The following ASTN2 variants were observed in gnomAD, a reference collection of about 807,000 sequenced individuals.
ASTN2 encodes the protein astrotactin-2.
Under a neutral mutation model 139.8 loss-of-function variants are expected in ASTN2, and 54 were observed. The observed-to-expected ratio is 0.39, with a 90% CI of 0.31 to 0.48. The LOEUF (loss-of-function observed/expected upper bound fraction) is 0.48, where lower values mean the gene tolerates loss of function less well. Among genes scored for constraint, ASTN2 ranks in the 20% least tolerant of loss-of-function variants. ASTN2 has a pLI of 0.95. For missense variants in ASTN2, 1,565 were observed against 1,725.1 expected, an observed-to-expected ratio of 0.91 and a Z score of 1.64; for synonymous variants, 756 against 719.5, an observed-to-expected ratio of 1.05 and a Z score of -0.81.
At chr9:117,190,269 T>C (rs962263413) in intron 3 of ASTN2, among the ~76,000 whole-genome samples, 124 of 152,260 alleles carry the variant, frequency 8.1e-4, no homozygotes, top group African/African-American at 2.9e-3. Context: ...TTTATATATA[T>C]TAACAACTGA....
intron 16 of ASTN2, among the ~76,000 whole-genome samples, chr9:116,694,200 A>T (rs1020361401): frequency 6.6e-6 from 1 of 152,116 alleles, no homozygotes; most frequent in Non-Finnish European, 1.5e-5. Context: ...GAAGCTTTTC[A>T]ATTGAAGGAG....
At chr9:117,337,419 C>A (rs1360382146) in intron 1 of ASTN2, among the ~76,000 whole-genome samples, 1 of 152,068 alleles carries the variant, frequency 6.6e-6, no homozygotes, top group Non-Finnish European at 1.5e-5. Flanking sequence ...ATTTTTAATT[C>A]TTTATTATCT....
intron 5 of ASTN2, among the ~76,000 whole-genome samples, chr9:117,094,895 G>A (rs1015232290): frequency 6.6e-6 from 1 of 152,168 alleles, no homozygotes; most frequent in Non-Finnish European, 1.5e-5. Context: ...AAAAACTGAG[G>A]CTTACAGAAG....
At chr9:117,358,297 T>C (rs10983633) in intron 1 of ASTN2, among the ~76,000 whole-genome samples, 25 of 135,478 alleles carry the variant, frequency 1.8e-4, no homozygotes, top group South Asian at 7.5e-4. Flanking sequence ...CACACACACA[T>C]ACACATCCAC....
chr9:116,888,086 G>A (rs575072365), intron 10 of ASTN2, among the ~76,000 whole-genome samples: 5 of 152,186 alleles, frequency 3.3e-5, no homozygotes, highest in African/African-American at 1.2e-4. Context: ...TAAAGTGTCT[G>A]ACCCTCAATC....
intron 16 of ASTN2, among the ~76,000 whole-genome samples, chr9:116,672,635 C>A (rs967909870): frequency 1.3e-5 from 2 of 152,214 alleles, no homozygotes; most frequent in African/African-American, 4.8e-5. Flanking sequence ...ATCAAACACT[C>A]ACATTTCTGT....
chr9:117,038,588 C>T (rs937045542), intron 6 of ASTN2, among the ~76,000 whole-genome samples: 6 of 151,978 alleles, frequency 3.9e-5, no homozygotes, highest in African/African-American at 7.3e-5. Flanking sequence ...TCAAACTCAT[C>T]GAGACATATA....
intron 11 of ASTN2, among the ~76,000 whole-genome samples, chr9:116,862,815 C>G: frequency 1.7e-5 from 1 of 59,986 alleles, no homozygotes; most frequent in African/African-American, 5.6e-5. Context: ...AATACACACA[C>G]ACACACACAC....
chr9:116,681,322 G>A lies in ASTN2; in HGVS notation c.2807-29529C>T, dbSNP rs1174293103. Among the ~76,000 whole-genome samples, 10 of 152,252 alleles carry A rather than the reference G, an allele frequency of 6.6e-5. No individual in the cohort carries two copies. The East Asian group carries it at 1.2e-3, about 18-fold the overall frequency. ...CCTAAGAATCCAACTTACAAGGGAC[G>A]TGAAGGACCTCTTCAAGGAGAACTA... On this transcript the variant is annotated intron_variant, in intron 16 of 22. Coordinates refer to ENST00000313400, the MANE Select transcript of ASTN2 (RefSeq NM_001365068.1).
chr9:117,348,229 A>C (rs913250831), intron 1 of ASTN2, among the ~76,000 whole-genome samples: 19 of 152,176 alleles, frequency 1.2e-4, no homozygotes, highest in Admixed American at 1.2e-3. Flanking sequence ...TATTCAAGGC[A>C]ATTTTCCAGG....
chr9:116,609,854 T>A (rs1855440814), intron 19 of ASTN2, among the ~76,000 whole-genome samples: 1 of 152,136 alleles, frequency 6.6e-6, no homozygotes, highest in Admixed American at 6.5e-5. Flanking sequence ...ATTATAAGAT[T>A]CCTATGCTAT....
chr9:117,060,063 C>A (rs1227202775), intron 5 of ASTN2, among the ~76,000 whole-genome samples: 1 of 152,046 alleles, frequency 6.6e-6, no homozygotes, highest in Non-Finnish European at 1.5e-5. Context: ...GTAATCCCAG[C>A]ACTTTGCGAG....
Position 117,296,300 on chromosome 9 carries a change from A to AAAAGAAAG in ASTN2, c.443-4795_443-4788dup, listed in dbSNP as rs1192675911. Among the ~76,000 whole-genome samples, 76 of 120,960 alleles carry AAAAGAAAG rather than the reference A, an allele frequency of 6.3e-4. 1 individual carries two copies. The highest frequency in any genetic ancestry group is 1.0e-3 in the Non-Finnish European group (56 of 54,554). The allele number at this position is 120,960 out of a possible 152,430, so 79.4% of individuals were successfully genotyped here. ...CTCAAAAAAAAAAAAAAAAAAAAAA[A>AAAAGAAAG]AAAGAAAGAAAGAAAGAAAGAAAGA... On this transcript the variant is annotated intron_variant, in intron 1 of 22. Coordinates refer to ENST00000313400, the MANE Select transcript of ASTN2 (RefSeq NM_001365068.1).
intron 16 of ASTN2, among the ~76,000 whole-genome samples, chr9:116,710,795 C>T (rs60203546): frequency 0.14 from 21,147 of 147,956 alleles, 1,589 homozygotes; most frequent in Middle Eastern, 0.21. Context: ...AAGTTCTGAG[C>T]AACCACATGA....
chr9:116,604,895 T>A (rs1434990216), intron 19 of ASTN2, among the ~76,000 whole-genome samples: 1 of 152,094 alleles, frequency 6.6e-6, no homozygotes, highest in Non-Finnish European at 1.5e-5. Flanking sequence ...ACAGGGGAAC[T>A]GAGAGTGGAT....
chr9:116,439,279 C>A (rs1847764979), intron 22 of ASTN2, among the ~76,000 whole-genome samples: 2 of 121,792 alleles, frequency 1.6e-5, no homozygotes, highest in Admixed American at 9.1e-5. Flanking sequence ...CGGCTCACTG[C>A]AAGCTCCGCC....
intron 1 of ASTN2, among the ~76,000 whole-genome samples, chr9:117,395,137 G>A (rs1830644536): frequency 6.6e-6 from 1 of 152,150 alleles, no homozygotes; most frequent in Non-Finnish European, 1.5e-5. Flanking sequence ...GTCATTTCCT[G>A]AGCCAATGTC....
Position 117,291,422 on chromosome 9 carries a change from G to A in ASTN2, c.534C>T (p.Ser178=), listed in dbSNP as rs1834589678. 6.2e-7 allele frequency: 1 copy of A among 1,614,228 alleles called. No homozygotes were observed. The highest frequency in any genetic ancestry group is 1.1e-5 in the South Asian group (1 of 91,086). The change falls in exon 2 of 23, where the codon AGC becomes AGT. Residue 178 remains serine (S), a synonymous_variant. Coordinates refer to ENST00000313400, the MANE Select transcript of ASTN2 (RefSeq NM_001365068.1). The part of the protein sequence containing the change: ...NGTLYFHVSM[S]SSGQLAQATA... ...TGGCTTGGGCCAGCTGCCCGGAGCT[G>A]CTCATGGAGACGTGGAAGTACAAGG...
At chr9:116,489,114 A>G (rs1348185462) in intron 19 of ASTN2, among the ~76,000 whole-genome samples, 1 of 152,164 alleles carries the variant, frequency 6.6e-6, no homozygotes, top group Non-Finnish European at 1.5e-5. Flanking sequence ...AAAGGGTGCC[A>G]GCTCCATTAC....
Sources: allele counts gnomAD v4.1 joint callset (sites outside exome capture counted in the v4.1 genomes callset), GRCh38; gene constraint gnomAD v4.1.1; transcripts MANE v1.5; gene names NCBI Gene and HGNC (gene_info 2026-07-23, HGNC 2026-07-21).